The following NFIA variants were observed in gnomAD, a reference collection of about 807,000 sequenced individuals.
The protein encoded by NFIA is nuclear factor I A, also known as nuclear factor 1 A-type.
NFIA carries 8 observed loss-of-function variants against 62.8 expected under a neutral mutation model. That is an observed-to-expected ratio of 0.13 (90% CI 0.07 to 0.23). NFIA has a LOEUF of 0.23. NFIA is among the 10% of genes least tolerant of loss of function. NFIA has a pLI of 1.00. For synonymous variants in NFIA, 235 were observed against 238.1 expected (o/e 0.99, Z 0.12); for missense variants, 410 against 642.1 (o/e 0.64, Z 3.91).
intron 3 of NFIA, among the ~76,000 whole-genome samples, chr1:61,287,656 A>G (rs189133411): frequency 6.6e-6 from 1 of 150,762 alleles, no homozygotes. Flanking sequence ...ACTGTCCCCA[A>G]CCCCCCCCAA....
chr1:61,084,690 TA>T (rs1223277253), intron 1 of NFIA, among the ~76,000 whole-genome samples: 3 of 152,196 alleles, frequency 2.0e-5, no homozygotes, highest in Non-Finnish European at 1.5e-5. Flanking sequence ...CCCTAACAGA[TA>T]CATTAGTGTC....
At chr1:61,379,351 T>C (rs1043077008) in intron 6 of NFIA, among the ~76,000 whole-genome samples, 1 of 151,750 alleles carries the variant, frequency 6.6e-6, no homozygotes, top group African/African-American at 2.4e-5. Flanking sequence ...GCCTTCTGAG[T>C]AGCTGGGACT....
At chr1:61,382,530 C>T (rs1664470322) in intron 6 of NFIA, among the ~76,000 whole-genome samples, 1 of 152,116 alleles carries the variant, frequency 6.6e-6, no homozygotes, top group Admixed American at 6.5e-5. Flanking sequence ...TTTCTCTGTG[C>T]ATAGAAATAG....
At chr1:61,390,080 T>C (rs893019155) in intron 7 of NFIA, among the ~76,000 whole-genome samples, 1 of 152,132 alleles carries the variant, frequency 6.6e-6, no homozygotes, top group Non-Finnish European at 1.5e-5. Flanking sequence ...TGCACTGCTG[T>C]GCTAGAAGCA....
At chr1:61,159,176 A>AT (rs572831036) in intron 2 of NFIA, among the ~76,000 whole-genome samples, 25 of 152,092 alleles carry the variant, frequency 1.6e-4, no homozygotes, top group African/African-American at 6.0e-4. Flanking sequence ...CTAGTTTAAT[A>AT]TTTTTTTTAA....
At chr1:61,191,633 T>C (rs1173671581) in intron 2 of NFIA, among the ~76,000 whole-genome samples, 1 of 152,196 alleles carries the variant, frequency 6.6e-6, no homozygotes, top group Non-Finnish European at 1.5e-5. Context: ...GTTGTTGTGA[T>C]GTGCCTCTTT....
rs778218668 is a variant in NFIA, at chr1:61,088,460, G to A, written c.339G>A (p.Lys113=). The change falls in exon 2 of 11, where the codon AAG becomes AAA. Residue 113 remains lysine, a synonymous_variant. Coordinates refer to ENST00000403491, the MANE Select transcript of NFIA (RefSeq NM_001134673.4). This position sits in a 1 kb window ranked among gnomAD's most constrained non-coding sequence, Gnocchi z 4.5. ...CVLSNPDQKG[K]MRRIDCLRQA... is the part of the protein sequence containing the mutation. ...TTTCCAACCCAGACCAGAAAGGCAA[G>A]ATGCGAAGAATTGACTGCCTCCGCC... 3 of 1,613,948 alleles carry A rather than the reference G, an allele frequency of 1.9e-6. No individual in the cohort carries two copies. The highest frequency in any genetic ancestry group is 1.7e-6 in the Non-Finnish European group (2 of 1,180,018).
At chr1:61,266,838 T>C (rs1301777116) in intron 2 of NFIA, among the ~76,000 whole-genome samples, 1 of 152,216 alleles carries the variant, frequency 6.6e-6, no homozygotes, top group Non-Finnish European at 1.5e-5. Context: ...TTAACCAGTC[T>C]ATATGCTTTA....
chr1:61,227,415 A>C (rs1654401319), intron 2 of NFIA, among the ~76,000 whole-genome samples: 1 of 152,220 alleles, frequency 6.6e-6, no homozygotes, highest in Admixed American at 6.5e-5. Context: ...GCACGATTTG[A>C]TGATGGGATC....
At chr1:61,416,068 G>A (rs1666334754) in intron 9 of NFIA, among the ~76,000 whole-genome samples, 1 of 152,062 alleles carries the variant, frequency 6.6e-6, no homozygotes, top group Non-Finnish European at 1.5e-5. Context: ...AAATATGTAT[G>A]GAATGCTGCA....
chr1:61,391,586 A>T (rs1051120188), intron 7 of NFIA, among the ~76,000 whole-genome samples: 1 of 152,096 alleles, frequency 6.6e-6, no homozygotes, highest in African/African-American at 2.4e-5. Flanking sequence ...ACCTTGATAG[A>T]CCTTAAGAGA....
chr1:61,278,746 G>A (rs1277312730), intron 3 of NFIA, among the ~76,000 whole-genome samples: 1 of 152,142 alleles, frequency 6.6e-6, no homozygotes, highest in Non-Finnish European at 1.5e-5. Flanking sequence ...AGCTGAGATT[G>A]CGCCACTGCA....
chr1:61,155,514 AT>A (rs1648740562), intron 2 of NFIA, among the ~76,000 whole-genome samples: 2 of 151,598 alleles, frequency 1.3e-5, no homozygotes, highest in South Asian at 4.2e-4. Context: ...TCTACTAAAA[AT>A]ACAAAAAATT....
chr1:61,085,887 G>C (rs926208562), intron 1 of NFIA, among the ~76,000 whole-genome samples: 28 of 152,072 alleles, frequency 1.8e-4, no homozygotes, highest in Non-Finnish European at 1.0e-4. Context: ...TGGGCATTTG[G>C]TTGGCAGGTA....
At chr1:61,148,778 A>G (rs1216031080) in intron 2 of NFIA, among the ~76,000 whole-genome samples, 1 of 152,246 alleles carries the variant, frequency 6.6e-6, no homozygotes, top group Non-Finnish European at 1.5e-5. Flanking sequence ...TGGGAAGATG[A>G]AGGAAAACTA....
intron 2 of NFIA, among the ~76,000 whole-genome samples, chr1:61,091,668 A>G (rs1230349223): frequency 6.6e-6 from 1 of 152,166 alleles, no homozygotes; most frequent in Non-Finnish European, 1.5e-5. Context: ...AGTAAAGCTA[A>G]TTTATGACCA....
chr1:61,412,597 G>A (rs996771967), intron 9 of NFIA, among the ~76,000 whole-genome samples: 3 of 152,200 alleles, frequency 2.0e-5, no homozygotes, highest in Non-Finnish European at 2.9e-5. Flanking sequence ...TCTGGGTGAG[G>A]GGTGGAGATC....
At chr1:61,118,254 C>G (rs962531555) in intron 2 of NFIA, among the ~76,000 whole-genome samples, 1 of 151,752 alleles carries the variant, frequency 6.6e-6, no homozygotes, top group African/African-American at 2.4e-5. Context: ...GAAAAGAATT[C>G]TTATTCAGAA....
chr1:61,287,801 C>G (rs539649839), intron 3 of NFIA, among the ~76,000 whole-genome samples: 1 of 152,262 alleles, frequency 6.6e-6, no homozygotes, highest in South Asian at 2.1e-4. Flanking sequence ...ATCTGGCAAC[C>G]AGTTGTAATT....
Sources: gnomAD v4.1 joint callset for allele counts (sites outside exome capture counted in the v4.1 genomes callset) on GRCh38, gnomAD v4.1.1 for gene constraint, Gnocchi (gnomAD v3.1) non-coding constraint, MANE v1.5 for transcripts, NCBI Gene and HGNC (gene_info 2026-07-23, HGNC 2026-07-21) for gene names.